Variants in CDK15 observed in about 807,000 individuals in gnomAD.
CDK15 encodes the protein cyclin-dependent kinase 15.
In CDK15, 62 loss-of-function variants were observed where a neutral mutation model predicts 60.3. The ratio of observed to expected loss-of-function variants is 1.03; its 90% CI spans 0.84 to 1.27. The LOEUF (loss-of-function observed/expected upper bound fraction) is 1.27, where lower values mean the gene tolerates loss of function less well. Ranked by LOEUF, CDK15 falls within the 50% of genes most tolerant of loss-of-function variation. CDK15 has a pLI of 0.00. For missense variants in CDK15, 541 were observed against 527.8 expected (o/e 1.03, Z -0.25); for synonymous variants, 194 against 195.7 (o/e 0.99, Z 0.07).
intron 9 of CDK15, among the ~76,000 whole-genome samples, chr2:201,849,260 C>T (rs1198678812): frequency 6.6e-6 from 1 of 152,200 alleles, no homozygotes; most frequent in Non-Finnish European, 1.5e-5. Context: ...TAGATGCTTG[C>T]TTTCTTCCTG....
intron 11 of CDK15, among the ~76,000 whole-genome samples, chr2:201,874,624 G>A (rs1176762975): frequency 6.6e-6 from 1 of 152,104 alleles, no homozygotes; most frequent in Non-Finnish European, 1.5e-5. Context: ...AGTGTCACTG[G>A]CTTTTCTACA....
intron 10 of CDK15, chr2:201,861,123 G>GT (rs1698375288): frequency 9.6e-7 from 1 of 1,042,890 alleles, no homozygotes; most frequent in Admixed American, 5.0e-5. Flanking sequence ...ATATGGAACT[G>GT]TAAGTCCAAG....
Position 201,836,062 on chromosome 2 carries a change from A to ATATT in CDK15, c.851+302_851+303insTTAT, listed in dbSNP as rs1222972574. ...TTATATATATTTATATATATATTAT[A>ATATT]TATATTTATATTTATATATATTTAT... On this transcript the variant is annotated intron_variant, in intron 8 of 13. Transcript: ENST00000652192. 5.3e-4 allele frequency among the ~76,000 whole-genome samples: 19 copies of ATATT among 35,672 alleles called. No homozygotes were observed. The South Asian group carries it at 0.018, about 34-fold the overall frequency. 23.4% of individuals were successfully genotyped at this position (35,672 alleles called of 152,430 possible). A position where few individuals can be genotyped will look rare whatever the true frequency, so the allele number is the denominator to read the frequency against.
intron 8 of CDK15, among the ~76,000 whole-genome samples, chr2:201,845,855 G>C (rs913631408): frequency 1.3e-5 from 2 of 151,392 alleles, no homozygotes; most frequent in South Asian, 4.2e-4. Flanking sequence ...AAGAGAGAGA[G>C]AGAGAGAGAG....
chr2:201,891,817 G>T (rs535960647), intron 13 of CDK15, among the ~76,000 whole-genome samples: 1 of 152,084 alleles, frequency 6.6e-6, no homozygotes, highest in Non-Finnish European at 1.5e-5. Flanking sequence ...CAGCCTGCCC[G>T]CCCTTTAGGT....
intron 11 of CDK15, among the ~76,000 whole-genome samples, chr2:201,879,786 G>A (rs1699208789): frequency 6.6e-6 from 1 of 152,048 alleles, no homozygotes; most frequent in Admixed American, 6.6e-5. Context: ...CACGGTGGAG[G>A]GCAAGGGAGC....
intron 3 of CDK15, 61 bp from the exon 4 acceptor site, chr2:201,812,422 G>T: frequency 2.0e-6 from 2 of 1,018,992 alleles, no homozygotes; most frequent in Non-Finnish European, 1.5e-6. Flanking sequence ...GCCATCTTTG[G>T]TATAAATTGC....
At chr2:201,858,513 A>C (rs1483794684) in intron 10 of CDK15, among the ~76,000 whole-genome samples, 1 of 151,768 alleles carries the variant, frequency 6.6e-6, no homozygotes, top group Non-Finnish European at 1.5e-5. Context: ...CCTCCACTTC[A>C]AAGGGCCAGT....
intron 3 of CDK15, chr2:201,808,851 C>CTGT (rs1185856904): frequency 1.3e-5 from 2 of 151,792 alleles, no homozygotes; most frequent in Admixed American, 6.6e-5. Flanking sequence ...AGTATTTATG[C>CTGT]TGTTATTATT....
At chr2:201,848,264 ATTAT>A (rs1296542999) in intron 9 of CDK15, among the ~76,000 whole-genome samples, 1 of 152,026 alleles carries the variant, frequency 6.6e-6, no homozygotes, top group African/African-American at 2.4e-5. Flanking sequence ...TTCTTAATTC[ATTAT>A]TTATCCCTAC....
chr2:201,808,004 C>A, intron 3 of CDK15, 52 bp downstream of exon 3: 2 of 1,472,760 alleles, frequency 1.4e-6, no homozygotes, highest in South Asian at 1.2e-5. Flanking sequence ...CCCGCCCCCC[C>A]AATTTCATAT....
intron 12 of CDK15, among the ~76,000 whole-genome samples, chr2:201,890,227 T>C (rs966764046): frequency 6.6e-6 from 1 of 152,196 alleles, no homozygotes; most frequent in Non-Finnish European, 1.5e-5. Context: ...TGGTTCCAAC[T>C]ATTTTTCCAA....
intron 10 of CDK15, among the ~76,000 whole-genome samples, chr2:201,855,806 C>T (rs1046381406): frequency 2.0e-5 from 3 of 151,832 alleles, no homozygotes; most frequent in African/African-American, 4.8e-5. Context: ...ATGAAATCTT[C>T]CCAAATTGTT....
chr2:201,836,209 A>ATT (rs1331431215), intron 8 of CDK15, among the ~76,000 whole-genome samples: 7 of 123,434 alleles, frequency 5.7e-5, no homozygotes, highest in Middle Eastern at 4.2e-3. Flanking sequence ...ATATATATGT[A>ATT]TTTTTTTTTT....
chr2:201,865,638 C>G (rs1407325064), intron 10 of CDK15, among the ~76,000 whole-genome samples: 1 of 152,056 alleles, frequency 6.6e-6, no homozygotes, highest in Non-Finnish European at 1.5e-5. Context: ...GCCTTTAATC[C>G]CAGCATTTTG....
chr2:201,888,746 G>A (rs1699546351), intron 12 of CDK15: 2 of 1,177,940 alleles, frequency 1.7e-6, no homozygotes, highest in South Asian at 3.4e-5. Flanking sequence ...CCCTGCTTTT[G>A]AGGAGCTGCT....
chr2:201,807,615 A>C lies in CDK15; in HGVS notation c.245A>C (p.Glu82Ala). The change falls in exon 2 of 14, where the codon GAA becomes GCA. Residue 82 changes from glutamate (E) to alanine (A), a missense_variant. By Grantham distance (107) the Glu-to-Ala change is moderately radical (BLOSUM62 -1). Transcript: ENST00000652192. Reference sequence around the variant, plus strand: ...CGGAGTAACAGTGATTGTTTTCAGGAAGAGGATCTGAGGCAGGGTTTTCAG... The same window carrying C: ...CGGAGTAACAGTGATTGTTTTCAGGCAGAGGATCTGAGGCAGGGTTTTCAG... ...RPRSNSDCFQ[E>A]EDLRQGFQWR... 2 of 1,614,134 alleles carry C rather than the reference A, an allele frequency of 1.2e-6. No homozygotes were observed.
intron 4 of CDK15, among the ~76,000 whole-genome samples, chr2:201,816,626 G>T (rs555126362): frequency 6.6e-6 from 1 of 152,002 alleles, no homozygotes; most frequent in Non-Finnish European, 1.5e-5. Context: ...TTGACAGAAC[G>T]ATTTATTTTC....
intron 4 of CDK15, among the ~76,000 whole-genome samples, chr2:201,820,010 A>G (rs992970452): frequency 1.3e-5 from 2 of 152,238 alleles, no homozygotes; most frequent in Non-Finnish European, 1.5e-5. Flanking sequence ...GCATGAGGCC[A>G]TCATAATGAA....
Sources: gnomAD v4.1 joint callset for allele counts (sites outside exome capture counted in the v4.1 genomes callset) on GRCh38, gnomAD v4.1.1 for gene constraint, MANE v1.5 for transcripts, NCBI Gene and HGNC (gene_info 2026-07-23, HGNC 2026-07-21) for gene names.